PDE10A: variants seen among roughly 807,000 people sequenced by gnomAD.
PDE10A encodes phosphodiesterase 10A, also known as cAMP and cAMP-inhibited cGMP 3',5'-cyclic phosphodiesterase 10A.
Under a neutral mutation model 97.7 loss-of-function variants are expected in PDE10A, and 39 were observed. The ratio of observed to expected loss-of-function variants is 0.40; its 90% confidence interval spans 0.31 to 0.52. The LOEUF (loss-of-function observed/expected upper bound fraction) is 0.52, where lower values mean the gene tolerates loss of function less well. Among genes scored for constraint, PDE10A ranks in the 20% least tolerant of loss-of-function variants. The probability of loss-of-function intolerance (pLI) is 0.56; values close to 1 mark genes in which losing one functional copy is unlikely to be tolerated. For synonymous variants in PDE10A, 371 were observed against 376.8 expected, an observed-to-expected ratio of 0.98 and a Z score of 0.18; for missense variants, 731 against 1,047.8, an observed-to-expected ratio of 0.70 and a Z score of 4.17.
chr6:165,890,950 A>G (rs1246538057), intron 1 of PDE10A, among the ~76,000 whole-genome samples: 2 of 152,188 alleles, frequency 1.3e-5, no homozygotes, highest in Non-Finnish European at 2.9e-5. Flanking sequence ...GTTGGTCTCC[A>G]CTCTCTCAAA....
At chr6:165,578,906 G>A (rs1473287540) in intron 1 of PDE10A, among the ~76,000 whole-genome samples, 1 of 152,126 alleles carries the variant, frequency 6.6e-6, no homozygotes, top group Non-Finnish European at 1.5e-5. Context: ...GAGGTCTATA[G>A]GAAAAAGAAG....
intron 5 of PDE10A, among the ~76,000 whole-genome samples, chr6:165,441,057 A>C (rs1415399168): frequency 6.6e-6 from 1 of 152,220 alleles, no homozygotes; most frequent in Non-Finnish European, 1.5e-5. Flanking sequence ...TATAGCAGAC[A>C]TTGCTATGGG....
chr6:165,608,117 T>C (rs917992980), intron 1 of PDE10A, among the ~76,000 whole-genome samples: 1 of 149,214 alleles, frequency 6.7e-6, no homozygotes, highest in Non-Finnish European at 1.5e-5. Context: ...TGTATATATA[T>C]ATATTTTATT....
At chr6:165,440,771 G>A (rs748536263) in intron 5 of PDE10A, among the ~76,000 whole-genome samples, 1 of 151,726 alleles carries the variant, frequency 6.6e-6, no homozygotes, top group South Asian at 2.1e-4. Flanking sequence ...TATCAAACCT[G>A]TAAATTATGG....
At chr6:165,762,908 G>A (rs1793285833) in intron 1 of PDE10A, among the ~76,000 whole-genome samples, 1 of 150,816 alleles carries the variant, frequency 6.6e-6, no homozygotes, top group African/African-American at 2.4e-5. Context: ...CACATGTAGA[G>A]ATAGAGAATA....
chr6:165,472,695 A>G (rs1036094442), intron 3 of PDE10A, among the ~76,000 whole-genome samples: 2 of 152,202 alleles, frequency 1.3e-5, no homozygotes, highest in African/African-American at 4.8e-5. Flanking sequence ...TGTCATTTAC[A>G]TTATACCAGA....
chr6:165,355,954 TCA>T (rs1213768630), intron 18 of PDE10A, among the ~76,000 whole-genome samples: 1 of 152,100 alleles, frequency 6.6e-6, no homozygotes, highest in Admixed American at 6.6e-5. Context: ...TTTAATTGAC[TCA>T]CAGTTCCACA....
intron 18 of PDE10A, among the ~76,000 whole-genome samples, chr6:165,371,173 G>C (rs983249235): frequency 1.3e-5 from 2 of 151,612 alleles, no homozygotes; most frequent in African/African-American, 4.9e-5. Context: ...AAAAGAACTA[G>C]AAAAGCAAGA....
rs1781124790 is a variant in PDE10A at position 165,327,739 on chromosome 6, C to T, written c.*5286G>A. 1 of 152,202 alleles carries T rather than the reference C, an allele frequency of 6.6e-6. No homozygotes were observed. The highest frequency in any genetic ancestry group is 2.1e-4 in the South Asian group (1 of 4,834). 9.4% of individuals were successfully genotyped at this position (152,202 alleles called of 1,614,324 possible). ...AAAATCATTTTTTAAAATTTACTAA[C>T]ATCAACTATGATAAAGTTAGATACT... On this transcript the variant is annotated 3_prime_UTR_variant, in exon 22 of 22. Coordinates refer to ENST00000539869, the MANE Select transcript of PDE10A (RefSeq NM_001385079.1).
intron 15 of PDE10A, 68 bp downstream of exon 15, chr6:165,395,113 A>G (rs1786055512): frequency 6.5e-6 from 6 of 916,104 alleles, no homozygotes; most frequent in South Asian, 2.8e-5. Flanking sequence ...GGTGAGGCAT[A>G]TATGTAGAAG....
intron 1 of PDE10A, among the ~76,000 whole-genome samples, chr6:165,822,559 A>C (rs1162388226): frequency 6.6e-6 from 1 of 152,168 alleles, no homozygotes; most frequent in Admixed American, 6.5e-5. Flanking sequence ...GTTGTAACAC[A>C]ATGGTATTTG....
At chr6:165,357,151 CTCT>C (rs1463068996) in intron 18 of PDE10A, among the ~76,000 whole-genome samples, 1 of 152,116 alleles carries the variant, frequency 6.6e-6, no homozygotes, top group Non-Finnish European at 1.5e-5. Flanking sequence ...CATATGATGT[CTCT>C]TCTTCATTCT....
At chr6:165,864,055 T>C (rs1780976584) in intron 1 of PDE10A, among the ~76,000 whole-genome samples, 1 of 152,208 alleles carries the variant, frequency 6.6e-6, no homozygotes, top group African/African-American at 2.4e-5. Flanking sequence ...AGGTTGGTTG[T>C]GTAACCTGCC....
At chr6:165,754,443 C>T (rs1258910470) in intron 1 of PDE10A, 1 of 152,184 alleles carries the variant, frequency 6.6e-6, no homozygotes, top group Non-Finnish European at 1.5e-5. Flanking sequence ...TATAGATACT[C>T]ATTATAGCAT....
At chr6:165,379,090 T>C in intron 18 of PDE10A, 104 bp downstream of exon 18, 1 of 751,768 alleles carries the variant, frequency 1.3e-6, no homozygotes, top group Non-Finnish European at 2.1e-6. Flanking sequence ...ATTTTTTACA[T>C]TCCTTCTTTC....
intron 1 of PDE10A, among the ~76,000 whole-genome samples, chr6:165,811,634 G>A (rs1011110973): frequency 1.3e-5 from 2 of 152,204 alleles, no homozygotes; most frequent in Non-Finnish European, 2.9e-5. Context: ...GTGAGAGAGT[G>A]TGCAGCTGAG....
chr6:165,613,331 T>G (rs1490634734), intron 1 of PDE10A, among the ~76,000 whole-genome samples: 1 of 152,082 alleles, frequency 6.6e-6, no homozygotes, highest in Non-Finnish European at 1.5e-5. Flanking sequence ...AGCCATAGAA[T>G]TTCAGAGGTT....
chr6:165,560,404 C>T (rs1420521380), intron 1 of PDE10A, among the ~76,000 whole-genome samples: 1 of 152,184 alleles, frequency 6.6e-6, no homozygotes, highest in Non-Finnish European at 1.5e-5. Flanking sequence ...GTGGAGCTTT[C>T]CCCAGAGCCT....
At chr6:165,354,868 T>C (rs189727216) in intron 18 of PDE10A, among the ~76,000 whole-genome samples, 2 of 152,338 alleles carry the variant, frequency 1.3e-5, no homozygotes, top group South Asian at 2.1e-4. Flanking sequence ...ACACAGTCCA[T>C]CTCATATGAC....
Sources: gnomAD v4.1 joint callset for allele counts (sites outside exome capture counted in the v4.1 genomes callset) on GRCh38, gnomAD v4.1.1 for gene constraint, MANE v1.5 for transcripts, NCBI Gene and HGNC (gene_info 2026-07-23, HGNC 2026-07-21) for gene names.